Variants in RNF17 observed in about 807,000 individuals in gnomAD.
The protein encoded by RNF17 is spermatogenesis associated 23.
In RNF17, 31 loss-of-function variants were observed where a neutral mutation model predicts 200.5. The ratio of observed to expected loss-of-function variants is 0.15; its 90% CI spans 0.12 to 0.21. RNF17 has a LOEUF of 0.21. RNF17 is among the 10% of genes least tolerant of loss of function. RNF17 has a pLI of 1.00. For synonymous variants in RNF17, 606 were observed against 637.8 expected (o/e 0.95, Z 0.75); for missense variants, 1,628 against 1,905.1 (o/e 0.85, Z 2.71).
At chr13:24,881,768 G>T (rs1953827386), downstream of RNF17, among the ~76,000 whole-genome samples, 1 of 145,240 alleles carries the variant, frequency 6.9e-6, no homozygotes, top group Non-Finnish European at 1.5e-5. Context: ...TTTGAGACCA[G>T]CCTGGCCAAC....
chr13:24,852,126 C>T (rs1891965214), intron 24 of RNF17, among the ~76,000 whole-genome samples: 1 of 138,282 alleles, frequency 7.2e-6, no homozygotes, highest in Non-Finnish European at 1.5e-5. Context: ...TTAATCTTTT[C>T]TCTCTCTCTC....
In RNF17 at chr13:24,781,827, G is replaced by GTT. The variant is rs5802305; in HGVS notation, c.511-6_511-5dup. ...AATTCCCAAATTAAGTTTTTGTCTTGTTTTTTTTTTTTCCAGGCACTTGAA... is the reference window on the plus strand; with the variant it reads ...AATTCCCAAATTAAGTTTTTGTCTTGTTTTTTTTTTTTTTCCAGGCACTTGAA... On this transcript the variant is annotated splice_polypyrimidine_tract_variant and intron_variant, in intron 5 of 35. Coordinates refer to ENST00000255324, the MANE Select transcript of RNF17 (RefSeq NM_031277.3). 14 of 1,036,078 alleles carry GTT rather than the reference G, an allele frequency of 1.4e-5. No individual in the cohort carries two copies. The highest frequency in any genetic ancestry group is 1.1e-4 in the African/African-American group (7 of 63,418). The allele number at this position is 1,036,078 out of a possible 1,614,324, so 64.2% of individuals were successfully genotyped here.
downstream of RNF17, chr13:24,884,407 T>C (rs1953950257): frequency 6.2e-7 from 1 of 1,614,108 alleles, no homozygotes; most frequent in Admixed American, 1.7e-5. Flanking sequence ...TCACTTCCTT[T>C]CGAGTTCCAT....
intron 16 of RNF17, among the ~76,000 whole-genome samples, chr13:24,830,038 A>G (rs1889214969): frequency 6.6e-6 from 1 of 152,188 alleles, no homozygotes; most frequent in Admixed American, 6.5e-5. Context: ...ATGAAGTTAG[A>G]TTATATTGGT....
At chr13:24,809,177 A>G (rs1206399360) in intron 15 of RNF17, among the ~76,000 whole-genome samples, 4 of 148,936 alleles carry the variant, frequency 2.7e-5, no homozygotes, top group African/African-American at 9.9e-5. Flanking sequence ...GTTAGGGAGG[A>G]TTCCCTCTTT....
intron 15 of RNF17, among the ~76,000 whole-genome samples, chr13:24,811,299 C>A (rs1886579995): frequency 6.6e-6 from 1 of 151,982 alleles, no homozygotes; most frequent in Non-Finnish European, 1.5e-5. Flanking sequence ...TAGATTTGGT[C>A]TTTTCACATA....
intron 2 of RNF17, among the ~76,000 whole-genome samples, chr13:24,768,721 G>A (rs1880170455): frequency 6.6e-6 from 1 of 151,856 alleles, no homozygotes; most frequent in Admixed American, 6.6e-5. Flanking sequence ...TCTAGCCTGG[G>A]TTTCCTCATT....
At chr13:24,852,359 C>T (rs915997484) in intron 24 of RNF17, among the ~76,000 whole-genome samples, 5 of 152,140 alleles carry the variant, frequency 3.3e-5, no homozygotes, top group Middle Eastern at 3.4e-3. Flanking sequence ...AGGATGGCCT[C>T]GATCTCCTGA....
chr13:24,843,978 T>C lies in RNF17; in HGVS notation c.2831+7T>C. On this transcript the variant is annotated splice_region_variant and intron_variant, in intron 20 of 35. Coordinates refer to ENST00000255324, the MANE Select transcript of RNF17 (RefSeq NM_031277.3). ...CTGAAAACTTACTTAATAGGTATAA[T>C]ATATATATATAATATATAAGGAAAA... The C allele has an allele frequency of 1.5e-6, 1 of 681,202 alleles. No individual in the cohort carries two copies. The highest frequency in any genetic ancestry group is 2.2e-6 in the Non-Finnish European group (1 of 459,650). 42.2% of individuals were successfully genotyped at this position (681,202 alleles called of 1,614,324 possible). A position where few individuals can be genotyped will look rare whatever the true frequency, so the allele number is the denominator to read the frequency against.
downstream of RNF17, chr13:24,883,440 G>T: frequency 7.9e-7 from 1 of 1,264,058 alleles, no homozygotes; most frequent in Non-Finnish European, 1.1e-6. Context: ...AAAAACTACT[G>T]AAAAGTAGCC....
At chr13:24,845,660 C>T (rs955131005) in intron 22 of RNF17, among the ~76,000 whole-genome samples, 5 of 152,104 alleles carry the variant, frequency 3.3e-5, no homozygotes, top group Admixed American at 6.5e-5. Flanking sequence ...GAATAGGAAT[C>T]GGCAACGGTA....
At chr13:24,747,937 G>A in the RNF17 span, among the ~76,000 whole-genome samples, 2 of 152,222 alleles carry the variant, frequency 1.3e-5, no homozygotes, top group South Asian at 2.1e-4. Context: ...TGGTTCAGGT[G>A]AGAGGAGGCA....
intron 16 of RNF17, among the ~76,000 whole-genome samples, chr13:24,828,935 A>G (rs1442290349): frequency 6.6e-6 from 1 of 151,882 alleles, no homozygotes; most frequent in African/African-American, 2.4e-5. Context: ...CAGCCCCCAG[A>G]TTAGCCGGGG....
rs755822086 is a variant in RNF17 at position 24,854,063 on chromosome 13, A to C, written c.3529A>C (p.Ile1177Leu). 6.2e-7 allele frequency: 1 copy of C among 1,613,976 alleles called. No individual in the cohort carries two copies. The highest frequency in any genetic ancestry group is 1.1e-5 in the South Asian group (1 of 91,082). Residue 1177 changes from isoleucine (I) to leucine (L), a missense_variant, in exon 25 of 36, where the codon ATT becomes CTT. Physicochemically the swap from Ile to Leu is conservative, Grantham distance 5. Transcript: ENST00000255324. ...RTTRGYKPPA[I>L]PNMNVFEATV... is the part of the protein sequence containing the mutation. Reference sequence around the variant, plus strand: ...CACTAGAGGGTATAAGCCACCAGCTATTCCTAACATGAACGTATTTGAGGC... The same window carrying C: ...CACTAGAGGGTATAAGCCACCAGCTCTTCCTAACATGAACGTATTTGAGGC...
At chr13:24,822,377 C>T (rs989711229) in intron 15 of RNF17, among the ~76,000 whole-genome samples, 1 of 151,880 alleles carries the variant, frequency 6.6e-6, no homozygotes, top group Non-Finnish European at 1.5e-5. Context: ...TTGCCGAGGA[C>T]TCCTTCCTGT....
At chr13:24,857,184 G>T (rs1306340917) in intron 25 of RNF17, among the ~76,000 whole-genome samples, 1 of 152,066 alleles carries the variant, frequency 6.6e-6, no homozygotes, top group Non-Finnish European at 1.5e-5. Flanking sequence ...AAGTAGTTGG[G>T]TTTTTAGCAT....
chr13:24,819,983 G>A (rs1352212932), intron 15 of RNF17, among the ~76,000 whole-genome samples: 3 of 151,914 alleles, frequency 2.0e-5, no homozygotes, highest in African/African-American at 2.4e-5. Flanking sequence ...TTTTTCTCAC[G>A]TTTTTGAAGG....
At chr13:24,769,283 TG>T (rs1475264300) in intron 2 of RNF17, among the ~76,000 whole-genome samples, 1 of 152,016 alleles carries the variant, frequency 6.6e-6, no homozygotes, top group African/African-American at 2.4e-5. Flanking sequence ...TGTGTAGGAG[TG>T]TTTATAATGT....
chr13:24,824,063 C>T, intron 15 of RNF17: 1 of 637,776 alleles, frequency 1.6e-6, no homozygotes, highest in Non-Finnish European at 2.9e-6. Flanking sequence ...TGCTTAAGAC[C>T]AAGACCATTG....
Sources: gnomAD v4.1 joint callset for allele counts (sites outside exome capture counted in the v4.1 genomes callset) on GRCh38, gnomAD v4.1.1 for gene constraint, MANE v1.5 for transcripts, NCBI Gene and HGNC (gene_info 2026-07-23, HGNC 2026-07-21) for gene names.